The following WDR26 variants were observed in gnomAD, a reference collection of about 807,000 sequenced individuals.
The protein encoded by WDR26 is WD repeat-containing protein 26.
Under a neutral mutation model 84.1 loss-of-function variants are expected in WDR26, and 5 were observed. The ratio of observed to expected loss-of-function variants is 0.06; its 90% CI spans 0.03 to 0.13. WDR26 has a LOEUF of 0.13. Ranked by LOEUF, WDR26 falls within the 10% of genes least tolerant of loss-of-function variation. The probability of loss-of-function intolerance (pLI) is 1.00; values close to 1 mark genes in which losing one functional copy is unlikely to be tolerated. For synonymous variants in WDR26, 415 were observed against 389.6 expected (o/e 1.07, Z -0.77); for missense variants, 642 against 974.9 (o/e 0.66, Z 4.55).
At chr1:224,424,752 C>A in intron 3 of WDR26, 98 bp from the exon 4 acceptor site, 3 of 1,484,780 alleles carry the variant, frequency 2.0e-6, no homozygotes, top group Non-Finnish European at 2.8e-6. Context: ...TTCTACTATG[C>A]CCTTTGAAAT....
chr1:224,418,632 G>A (rs1572199280), intron 5 of WDR26, among the ~76,000 whole-genome samples: 1 of 152,252 alleles, frequency 6.6e-6, no homozygotes, highest in East Asian at 1.9e-4. Flanking sequence ...GGTGGGAGGG[G>A]TTTACTTTAT....
rs1166354836 is a variant in WDR26, at chr1:224,418,340, C to T, written c.1239G>A (p.Arg413=). The stretch of plus-strand genomic sequence containing the variant: ...TGGTATTGTGATATAGGCACCGATC[C>T]CTTTGTAGTTCCACCGCCTGCCGCA... The change falls in exon 6 of 14, where the codon AGG becomes AGA. Residue 413 remains arginine, a synonymous_variant. Coordinates refer to ENST00000414423, the MANE Select transcript of WDR26 (RefSeq NM_001379403.1). 3 of 1,613,342 alleles carry T rather than the reference C, an allele frequency of 1.9e-6. No homozygotes were observed. Among genetic ancestry groups the T allele is most frequent in the Admixed American group, 1.7e-5 (1 of 59,950 alleles).
chr1:224,415,453 CTTTTTTTTTTT>C (rs149995544), intron 6 of WDR26, among the ~76,000 whole-genome samples: 4 of 82,340 alleles, frequency 4.9e-5, no homozygotes, highest in East Asian at 5.4e-4. Flanking sequence ...GTATTTCTTT[CTTTTTTTTTTT>C]TTTTTTTTTT....
chr1:224,422,518 C>A (rs1262688719), intron 4 of WDR26, among the ~76,000 whole-genome samples: 7 of 152,130 alleles, frequency 4.6e-5, no homozygotes, highest in Admixed American at 4.6e-4. Context: ...AAGTTCGAGA[C>A]CAGCCTGGCC....
In WDR26 at chr1:224,419,645, A is replaced by G. The variant is rs375249983; in HGVS notation, c.1065-30T>C. On this transcript the variant is annotated intron_variant, in intron 4 of 13. Transcript: ENST00000414423. ...AAATACAACAGAGAAAGCAACCAAT[A>G]TTAAACCCATTTCTTTGTAATAAAT... is the stretch of plus-strand genomic sequence containing the variant. 5 of 1,511,590 alleles carry G rather than the reference A, an allele frequency of 3.3e-6. No individual in the cohort carries two copies. The African/African-American group carries it at 6.9e-5, about 21-fold the overall frequency. The allele number at this position is 1,511,590 out of a possible 1,614,324, so 93.6% of individuals were successfully genotyped here. A position where few individuals can be genotyped will look rare whatever the true frequency, so the allele number is the denominator to read the frequency against.
chr1:224,389,958 A>G, intron 13 of WDR26, 98 bp from the exon 14 acceptor site: 1 of 857,140 alleles, frequency 1.2e-6, no homozygotes, highest in Non-Finnish European at 1.8e-6. Flanking sequence ...CAAAATTAGC[A>G]TTATGACATT....
intron 4 of WDR26, among the ~76,000 whole-genome samples, chr1:224,423,962 T>G (rs1194045814): frequency 6.6e-6 from 1 of 152,158 alleles, no homozygotes; most frequent in East Asian, 1.9e-4. Context: ...CGAGGTACAG[T>G]GACTCATGCC....
chr1:224,425,959 G>A (rs983986660), intron 3 of WDR26, among the ~76,000 whole-genome samples: 1 of 151,912 alleles, frequency 6.6e-6, no homozygotes, highest in Non-Finnish European at 1.5e-5. Flanking sequence ...CTGGGTTCAC[G>A]CGATTCTCCT....
chr1:224,434,300 C>T lies in WDR26; in HGVS notation c.106G>A (p.Ala36Thr), dbSNP rs937454288. 5 of 1,234,896 alleles carry T rather than the reference C, an allele frequency of 4.0e-6. No individual in the cohort carries two copies. The African/African-American group carries it at 4.7e-5, about 12-fold the overall frequency. The allele number at this position is 1,234,896 out of a possible 1,614,324, so 76.5% of individuals were successfully genotyped here. The change falls in exon 1 of 14, where the codon GCG becomes ACG. Residue 36 changes from alanine (A) to threonine (T), a missense_variant. By Grantham distance (58) the Ala-to-Thr change is moderately conservative (BLOSUM62 0). Coordinates refer to ENST00000414423, the MANE Select transcript of WDR26 (RefSeq NM_001379403.1). ...GCCCCGGGCTCTCCTACTCCCTCCG[C>T]CGCCGAGGCTCGGGGTTTCTTCCGC...
intron 7 of WDR26, among the ~76,000 whole-genome samples, chr1:224,410,256 G>A (rs544430228): frequency 9.9e-4 from 145 of 146,630 alleles, no homozygotes; most frequent in Non-Finnish European, 1.8e-3. Context: ...ACTCCAGCCT[G>A]GGGGACAAGA....
intron 12 of WDR26, among the ~76,000 whole-genome samples, chr1:224,397,015 A>T (rs1673285730): frequency 6.6e-6 from 1 of 152,198 alleles, no homozygotes; most frequent in African/African-American, 2.4e-5. Context: ...CTTAAAGGTA[A>T]ACCTCATGTG....
At chr1:224,419,813 A>G (rs1674008118) in intron 4 of WDR26, among the ~76,000 whole-genome samples, 198 bp from the exon 5 acceptor site, 1 of 152,144 alleles carries the variant, frequency 6.6e-6, no homozygotes, top group Admixed American at 6.5e-5. Context: ...CTATATATAT[A>G]TTACCTATTA....
chr1:224,414,727 C>G (rs972572694), intron 6 of WDR26, among the ~76,000 whole-genome samples: 3 of 151,928 alleles, frequency 2.0e-5, no homozygotes, highest in Non-Finnish European at 4.4e-5. Flanking sequence ...TACCTGTAAC[C>G]CTAGCACTTT....
chr1:224,433,622 A>ACCCCCCCCCCC, intron 1 of WDR26, 62 bp downstream of exon 1: 3 of 852,362 alleles, frequency 3.5e-6, no homozygotes, highest in Non-Finnish European at 2.9e-6. Context: ...CCCTTCCCCT[A>ACCCCCCCCCCC]CCCCCCTGGA....
chr1:224,407,400 T>C (rs1029176329), intron 7 of WDR26, among the ~76,000 whole-genome samples: 5 of 148,762 alleles, frequency 3.4e-5, no homozygotes, highest in African/African-American at 4.9e-5. Flanking sequence ...AAAGTAGGCA[T>C]TGGAATCACA....
chr1:224,418,396 T>C lies in WDR26; in HGVS notation c.1183A>G (p.Met395Val). The C allele has an allele frequency of 6.2e-7, 1 of 1,610,670 alleles. No homozygotes were observed. The highest frequency in any genetic ancestry group is 1.1e-5 in the South Asian group (1 of 90,212). Residue 395 changes from methionine (M) to valine (V), a missense_variant, in exon 6 of 14, where the codon ATG becomes GTG. Physicochemically the swap from Met to Val is conservative, Grantham distance 21. This residue lies in a region of WDR26 where 351 missense variants were observed against 672.8 expected (regional missense o/e 0.52). Transcript: ENST00000414423. ...GTCTGTAAACGCCGTGGGGGAAGCA[T>C]CACTGATGGTGGTAAATAGGCTTTA...
rs1674512715 is a variant in WDR26 at position 224,434,009 on chromosome 1, C to A, written c.397G>T (p.Ala133Ser). The change falls in exon 1 of 14, where the codon GCC becomes TCC. Residue 133 changes from alanine to serine, a missense_variant. Coordinates refer to ENST00000414423, the MANE Select transcript of WDR26 (RefSeq NM_001379403.1). ...TCCCCGTTCTGGGCCGACAAGCAGG[C>A]GAGTTCCGGGGTCTGTCCCTGGCCC... is the stretch of plus-strand genomic sequence containing the variant. The A allele has an allele frequency of 6.6e-7, 1 of 1,510,700 alleles. No homozygotes were observed. Among genetic ancestry groups the A allele is most frequent in the Non-Finnish European group, 8.8e-7 (1 of 1,132,004 alleles). The allele number at this position is 1,510,700 out of a possible 1,614,324, so 93.6% of individuals were successfully genotyped here.
intron 7 of WDR26, 130 bp downstream of exon 7, chr1:224,411,297 G>T: frequency 1.0e-6 from 1 of 986,670 alleles, no homozygotes; most frequent in Non-Finnish European, 1.4e-6. Context: ...ACATGAAGAT[G>T]TAAAAATGAT....
Position 224,385,424 on chromosome 1 carries a change from A to C in WDR26, c.*4411T>G, listed in dbSNP as rs903821888. 6 of 152,504 alleles carry C rather than the reference A, an allele frequency of 3.9e-5. No homozygotes were observed. Among genetic ancestry groups the C allele is most frequent in the Admixed American group, 1.3e-4 (2 of 15,286 alleles). The allele number at this position is 152,504 out of a possible 1,614,324, so 9.4% of individuals were successfully genotyped here. On this transcript the variant is annotated 3_prime_UTR_variant, in exon 14 of 14. Transcript: ENST00000414423. Reference sequence around the variant, plus strand: ...TTATACTTTAATGAATAAAGCAAAGAAATTTAAACTAAGTAAATATAATCT... The same window carrying C: ...TTATACTTTAATGAATAAAGCAAAGCAATTTAAACTAAGTAAATATAATCT...
Sources: gnomAD v4.1 joint callset for allele counts (sites outside exome capture counted in the v4.1 genomes callset) on GRCh38, gnomAD v4.1.1 for gene constraint, gnomAD v4.1.1 regional missense constraint, MANE v1.5 for transcripts, NCBI Gene and HGNC (gene_info 2026-07-23, HGNC 2026-07-21) for gene names.